AOAH: variants seen among roughly 807,000 people sequenced by gnomAD.
AOAH encodes the protein acyloxyacyl hydrolase (neutrophil).
A neutral mutation model predicts 92.2 loss-of-function variants in AOAH; 64 were observed. The observed-to-expected ratio is 0.69, with a 90% CI of 0.57 to 0.86. The LOEUF is 0.86. Ranked by LOEUF, AOAH falls within the 40% of genes least tolerant of loss-of-function variation. AOAH has a pLI of 0.00. For synonymous variants in AOAH, 263 were observed against 254.5 expected (o/e 1.03, Z -0.32); for missense variants, 656 against 694.6 (o/e 0.94, Z 0.62).
chr7:36,617,590 G>A (rs992910156), intron 10 of AOAH, among the ~76,000 whole-genome samples: 1 of 152,202 alleles, frequency 6.6e-6, no homozygotes, highest in South Asian at 2.1e-4. Context: ...TGTTGAATGA[G>A]TGAATGAATG....
At chr7:36,518,023 T>C (rs77708356) in intron 20 of AOAH, among the ~76,000 whole-genome samples, 13 of 152,082 alleles carry the variant, frequency 8.5e-5, no homozygotes, top group African/African-American at 2.9e-4. Flanking sequence ...TCTGCTCTTA[T>C]TGAAGTCGAA....
chr7:36,577,132 T>C (rs1788573443), intron 12 of AOAH, among the ~76,000 whole-genome samples: 1 of 151,840 alleles, frequency 6.6e-6, no homozygotes, highest in Non-Finnish European at 1.5e-5. Flanking sequence ...TACAATAGAA[T>C]TTATAGAATT....
intron 1 of AOAH, among the ~76,000 whole-genome samples, chr7:36,696,871 C>CAAA (rs900150654): frequency 6.7e-6 from 1 of 148,352 alleles, no homozygotes; most frequent in Non-Finnish European, 1.5e-5. Flanking sequence ...TCTCCAGAAA[C>CAAA]AAAAAAATCA....
At chr7:36,539,936 A>AG (rs1785309005) in intron 16 of AOAH, among the ~76,000 whole-genome samples, 1 of 152,238 alleles carries the variant, frequency 6.6e-6, no homozygotes, top group Non-Finnish European at 1.5e-5. Context: ...AGAGAATTCT[A>AG]ACAGGCCACC....
intron 11 of AOAH, among the ~76,000 whole-genome samples, chr7:36,613,075 G>GT (rs1791584622): frequency 6.6e-6 from 1 of 152,082 alleles, no homozygotes; most frequent in African/African-American, 2.4e-5. Flanking sequence ...AGAGACTGGA[G>GT]TATTTCTTAA....
At chr7:36,677,420 T>C (rs1042280123) in intron 2 of AOAH, among the ~76,000 whole-genome samples, 10 of 152,138 alleles carry the variant, frequency 6.6e-5, no homozygotes, top group Admixed American at 1.3e-4. Context: ...TGTGCTATAA[T>C]AAAAGAGAGA....
chr7:36,647,855 G>T (rs1016584002), intron 4 of AOAH, among the ~76,000 whole-genome samples: 10 of 150,736 alleles, frequency 6.6e-5, no homozygotes, highest in Non-Finnish European at 1.0e-4. Flanking sequence ...TTTTTTGGTG[G>T]AGTATCGCTC....
intron 16 of AOAH, among the ~76,000 whole-genome samples, chr7:36,535,932 A>C (rs1373979312): frequency 6.6e-6 from 1 of 152,210 alleles, no homozygotes; most frequent in Non-Finnish European, 1.5e-5. Context: ...GCTGTCTGGT[A>C]ATTCCTCACA....
At chr7:36,529,491 C>T (rs950785181) in intron 19 of AOAH, among the ~76,000 whole-genome samples, 1 of 152,102 alleles carries the variant, frequency 6.6e-6, no homozygotes, top group African/African-American at 2.4e-5. Flanking sequence ...CAGAATTGAA[C>T]TACTAGAGTC....
intron 13 of AOAH, among the ~76,000 whole-genome samples, chr7:36,558,871 C>T (rs139687920): frequency 2.8e-4 from 43 of 152,366 alleles, no homozygotes; most frequent in Non-Finnish European, 5.3e-4. Context: ...TTCCAGGTGC[C>T]GTCTGTCACC....
intron 3 of AOAH, among the ~76,000 whole-genome samples, chr7:36,667,119 T>C (rs1795594171): frequency 6.6e-6 from 1 of 152,210 alleles, no homozygotes; most frequent in Non-Finnish European, 1.5e-5. Flanking sequence ...AGTCCCCCCT[T>C]ATCTGAAGTT....
At chr7:36,722,626 T>C (rs74522821) in intron 1 of AOAH, among the ~76,000 whole-genome samples, 224 of 152,210 alleles carry the variant, frequency 1.5e-3, no homozygotes, top group African/African-American at 5.1e-3. Flanking sequence ...TTGGGGAATC[T>C]GGGTCTTAAT....
intron 6 of AOAH, among the ~76,000 whole-genome samples, chr7:36,625,438 G>C (rs773506965): frequency 5.9e-5 from 9 of 152,150 alleles, no homozygotes; most frequent in Non-Finnish European, 1.0e-4. Context: ...GGTTTATTGG[G>C]AGGATTAAGG....
At chr7:36,575,075 G>T (rs963169020) in intron 13 of AOAH, among the ~76,000 whole-genome samples, 1 of 151,966 alleles carries the variant, frequency 6.6e-6, no homozygotes. Flanking sequence ...AGTGTTGGGG[G>T]GCTGTTTCAG....
At chr7:36,670,195 A>T (rs867828041) in intron 3 of AOAH, among the ~76,000 whole-genome samples, 7 of 152,244 alleles carry the variant, frequency 4.6e-5, no homozygotes, top group Admixed American at 1.3e-4. Context: ...GGGTTAGAAA[A>T]TACATTTAAT....
chr7:36,673,871 C>T (rs576585914), intron 3 of AOAH, 72 bp downstream of exon 3: 38 of 1,070,360 alleles, frequency 3.6e-5, no homozygotes, highest in Non-Finnish European at 5.0e-5. Flanking sequence ...ACAGAGCCTC[C>T]CACCTCCCAG....
At position 36,530,450 on chromosome 7, in the gene AOAH, T is replaced by C. The variant is rs746710569; in HGVS notation, c.1490A>G (p.Asn497Ser). 2 of 1,613,706 alleles carry C rather than the reference T, an allele frequency of 1.2e-6. No homozygotes were observed. The highest frequency in any genetic ancestry group is 3.3e-5 in the Admixed American group (2 of 60,016). Residue 497 changes from asparagine (N) to serine (S), a missense_variant, in exon 19 of 21, where the codon AAT becomes AGT. Coordinates refer to ENST00000617537, the MANE Select transcript of AOAH (RefSeq NM_001637.4). ...GAAGGCAAAATCCATGTAGAAAAGA[T>C]TGAAGTTTGTAAATTTCTCACTGGC... ...IAASEKFTNF[N>S]LFYMDFAFHE...
intron 11 of AOAH, among the ~76,000 whole-genome samples, chr7:36,601,437 T>G (rs1490681484): frequency 6.6e-6 from 1 of 151,972 alleles, no homozygotes; most frequent in Non-Finnish European, 1.5e-5. Flanking sequence ...TCTGTTGGAC[T>G]CCATACCAGG....
chr7:36,692,445 A>G (rs6947739), intron 1 of AOAH, among the ~76,000 whole-genome samples: 85,214 of 151,834 alleles, frequency 0.56, 24,294 homozygotes, highest in East Asian at 0.83. Flanking sequence ...CCTAACTACT[A>G]CTTGAAACAT....
Sources: allele counts gnomAD v4.1 joint callset (sites outside exome capture counted in the v4.1 genomes callset), GRCh38; gene constraint gnomAD v4.1.1; transcripts MANE v1.5; gene names NCBI Gene and HGNC (gene_info 2026-07-23, HGNC 2026-07-21).